The following DGKB variants were observed in gnomAD, a reference collection of about 807,000 sequenced individuals.
DGKB encodes diacylglycerol kinase beta, also known as 90 kDa diacylglycerol kinase.
A neutral mutation model predicts 114.3 loss-of-function variants in DGKB; 67 were observed. The observed-to-expected ratio is 0.59, with a 90% CI of 0.48 to 0.72. The LOEUF is 0.72. Among genes scored for constraint, DGKB ranks in the 30% least tolerant of loss-of-function variants. The pLI, the probability that DGKB is intolerant of heterozygous loss-of-function variation, is 0.00. For missense variants in DGKB, 907 were observed against 975.2 expected (o/e 0.93, Z 0.93); for synonymous variants, 398 against 323.1 (o/e 1.23, Z -2.49).
At chr7:14,588,189 G>T (rs1028126051) in intron 17 of DGKB, among the ~76,000 whole-genome samples, 1 of 151,484 alleles carries the variant, frequency 6.6e-6, no homozygotes, top group Non-Finnish European at 1.5e-5. Flanking sequence ...TATCCTTTTG[G>T]TTTCCATTAT....
intron 5 of DGKB, among the ~76,000 whole-genome samples, chr7:14,731,993 A>C (rs2128390140): frequency 6.6e-6 from 1 of 152,290 alleles, no homozygotes; most frequent in Middle Eastern, 3.4e-3. Context: ...TATATTACAA[A>C]AATAAGTCAT....
upstream of DGKB, among the ~76,000 whole-genome samples, chr7:14,906,447 C>CTTTTT (rs34250901): frequency 2.0e-3 from 208 of 103,840 alleles, no homozygotes; most frequent in Non-Finnish European, 3.2e-3. Flanking sequence ...TTTTTTCTGT[C>CTTTTT]TTTTTTTTTT....
chr7:14,363,750 G>C (rs183967877), intron 21 of DGKB, among the ~76,000 whole-genome samples: 3 of 152,062 alleles, frequency 2.0e-5, no homozygotes, highest in African/African-American at 7.2e-5. Context: ...TTTGCTACAA[G>C]AGCATTCAGG....
At chr7:14,326,067 C>CT (rs72334706) in intron 23 of DGKB, among the ~76,000 whole-genome samples, 28,793 of 134,806 alleles carry the variant, frequency 0.21, 3,502 homozygotes, top group Non-Finnish European at 0.3. Context: ...TCACAGATTT[C>CT]TTTTTTTTTT....
At chr7:14,387,344 C>T (rs576015311) in intron 21 of DGKB, among the ~76,000 whole-genome samples, 1 of 142,716 alleles carries the variant, frequency 7.0e-6, no homozygotes, top group African/African-American at 2.6e-5. Flanking sequence ...ATCAGGGAGT[C>T]GGAGGCTGCA....
At chr7:14,786,165 C>G in intron 2 of DGKB, among the ~76,000 whole-genome samples, 1 of 151,086 alleles carries the variant, frequency 6.6e-6, no homozygotes, top group Non-Finnish European at 1.5e-5. Context: ...CACACACACG[C>G]ACACAGCCTT....
intron 1 of DGKB, among the ~76,000 whole-genome samples, chr7:14,942,758 T>A (rs1160413046): frequency 6.6e-6 from 1 of 152,064 alleles, no homozygotes; most frequent in African/African-American, 2.4e-5. Flanking sequence ...AATTCCTTAT[T>A]TAATTTAGTC....
intron 4 of DGKB, among the ~76,000 whole-genome samples, chr7:14,743,330 C>T (rs1163667818): frequency 6.6e-6 from 1 of 152,138 alleles, no homozygotes; most frequent in African/African-American, 2.4e-5. Flanking sequence ...AGGAGACAAA[C>T]TGTTTGGAAA....
chr7:14,832,474 TTCTC>T (rs917578321), intron 2 of DGKB, among the ~76,000 whole-genome samples: 30 of 152,174 alleles, frequency 2.0e-4, no homozygotes, highest in African/African-American at 6.3e-4. Flanking sequence ...CTTACATGTG[TTCTC>T]TCTGTCTTTC....
chr7:14,885,077 G>A (rs113728940), intron 1 of DGKB, among the ~76,000 whole-genome samples: 2 of 151,884 alleles, frequency 1.3e-5, no homozygotes, highest in East Asian at 1.9e-4. Flanking sequence ...TGGTTTAGAC[G>A]ATTGCTGACT....
chr7:14,630,212 G>A, intron 14 of DGKB, 24 bp downstream of exon 14: 1 of 1,528,268 alleles, frequency 6.5e-7, no homozygotes, highest in Non-Finnish European at 8.8e-7. Flanking sequence ...TTTTAAGTGT[G>A]AAAACCTGTT....
chr7:14,403,862 C>T (rs1823525796), intron 21 of DGKB, among the ~76,000 whole-genome samples: 1 of 151,900 alleles, frequency 6.6e-6, no homozygotes, highest in Admixed American at 6.6e-5. Flanking sequence ...CTGTGATACT[C>T]ATCTAAGCTT....
intron 6 of DGKB, among the ~76,000 whole-genome samples, chr7:14,708,895 A>G (rs1438926689): frequency 6.6e-6 from 1 of 151,342 alleles, no homozygotes; most frequent in Non-Finnish European, 1.5e-5. Flanking sequence ...CATTCGGGAC[A>G]TAGGCATGGG....
intron 1 of DGKB, among the ~76,000 whole-genome samples, chr7:14,884,704 A>G (rs958078722): frequency 2.0e-5 from 3 of 151,956 alleles, no homozygotes; most frequent in Admixed American, 6.6e-5. Flanking sequence ...CATGAATAAA[A>G]TAAGAATCAA....
At chr7:14,879,689 A>G (rs892898770) in intron 1 of DGKB, among the ~76,000 whole-genome samples, 2 of 152,210 alleles carry the variant, frequency 1.3e-5, no homozygotes, top group Admixed American at 1.3e-4. Flanking sequence ...CAGTCCCTTT[A>G]GTTGGGAAGA....
At position 14,409,343 on chromosome 7, in the gene DGKB, G is replaced by A. The variant is rs113396046; in HGVS notation, c.1836-63952C>T. On this transcript the variant is annotated intron_variant, in intron 21 of 25. Transcript: ENST00000402815. ...TACCATAAACCTTGAATAATATCAT[G>A]AGACCCACATGAAATGCTACTAAGG... Among the ~76,000 whole-genome samples the A allele has an allele frequency of 1.0e-3, 155 of 152,174 alleles. 2 individuals are homozygous for A. Among genetic ancestry groups the A allele is most frequent in the African/African-American group, 3.7e-3 (152 of 41,544 alleles).
chr7:14,486,114 G>A (rs10232365), intron 20 of DGKB, among the ~76,000 whole-genome samples: 2,671 of 152,052 alleles, frequency 0.018, 69 homozygotes, highest in African/African-American at 0.059. Context: ...TATCACTCTT[G>A]TGATTATGTT....
At chr7:14,335,639 C>T (rs1474615222) in intron 23 of DGKB, among the ~76,000 whole-genome samples, 3 of 152,116 alleles carry the variant, frequency 2.0e-5, no homozygotes, top group Non-Finnish European at 4.4e-5. Flanking sequence ...CCATATTGGC[C>T]ATATTCATTC....
chr7:14,946,755 T>C (rs1408901286), intron 1 of DGKB, among the ~76,000 whole-genome samples: 2 of 151,768 alleles, frequency 1.3e-5, no homozygotes, highest in African/African-American at 4.8e-5. Flanking sequence ...CTTCTGAAAG[T>C]GTAGTTTTAA....
Sources: allele counts gnomAD v4.1 joint callset (sites outside exome capture counted in the v4.1 genomes callset), GRCh38; gene constraint gnomAD v4.1.1; transcripts MANE v1.5; gene names NCBI Gene and HGNC (gene_info 2026-07-23, HGNC 2026-07-21).